The following CHUK variants were observed in gnomAD, a reference collection of about 807,000 sequenced individuals.
CHUK encodes the protein component of inhibitor of nuclear factor kappa B kinase complex.
A neutral mutation model predicts 104.8 loss-of-function variants in CHUK; 35 were observed. The ratio of observed to expected loss-of-function variants is 0.33; its 90% CI spans 0.26 to 0.44. The LOEUF is 0.44. CHUK is among the 20% of genes least tolerant of loss of function. The probability of loss-of-function intolerance (pLI) is 1.00; values close to 1 mark genes in which losing one functional copy is unlikely to be tolerated. For synonymous variants in CHUK, 276 were observed against 291.9 expected, an observed-to-expected ratio of 0.95 and a Z score of 0.56; for missense variants, 663 against 902.7, an observed-to-expected ratio of 0.73 and a Z score of 3.40.
chr10:100,187,516 C>T (rs1845073250), downstream of CHUK: 1 of 152,178 alleles, frequency 6.6e-6, no homozygotes, highest in Non-Finnish European at 1.5e-5. Context: ...AAATAACTTG[C>T]TCCATACCCT....
At chr10:100,225,055 G>T (rs1300652994) in intron 2 of CHUK, among the ~76,000 whole-genome samples, 4 of 152,094 alleles carry the variant, frequency 2.6e-5, no homozygotes, top group African/African-American at 7.2e-5. Flanking sequence ...TTGCCATGTT[G>T]CCCAGGCTGG....
intron 16 of CHUK, among the ~76,000 whole-genome samples, chr10:100,199,761 T>C (rs899846649): frequency 6.6e-6 from 1 of 152,216 alleles, no homozygotes; most frequent in Non-Finnish European, 1.5e-5. Context: ...TTTTTCTACC[T>C]CACGTTCTCT....
chr10:100,193,452 A>G lies in CHUK; in HGVS notation c.1975-21T>C, dbSNP rs200144690. ...TGTGTCTGAAGGAAAAGAAAAAAAC[A>G]TCAAAAGATTACAGGCAAGCATCTC... On this transcript the variant is annotated intron_variant, in intron 18 of 20. Coordinates refer to ENST00000370397, the MANE Select transcript of CHUK (RefSeq NM_001278.5). 37 of 1,613,894 alleles carry G rather than the reference A, an allele frequency of 2.3e-5. No individual in the cohort carries two copies. The African/African-American group carries it at 4.4e-4, about 19-fold the overall frequency.
intron 10 of CHUK, among the ~76,000 whole-genome samples, chr10:100,209,014 T>C (rs1265059614): frequency 6.6e-6 from 1 of 152,162 alleles, no homozygotes; most frequent in African/African-American, 2.4e-5. Flanking sequence ...ACCTCTGTGA[T>C]TTAATAGGAG....
rs555153039 is a variant in CHUK, at chr10:100,209,218, T to C, written c.1128+377A>G. Among the ~76,000 whole-genome samples, 3 of 152,322 alleles carry C rather than the reference T, an allele frequency of 2.0e-5. No individual in the cohort carries two copies. In the South Asian group the frequency reaches 6.2e-4, roughly 32 times the overall value. On this transcript the variant is annotated intron_variant, in intron 10 of 20. Coordinates refer to ENST00000370397, the MANE Select transcript of CHUK (RefSeq NM_001278.5). ...AGATAAATAAACTACGGAAAAACTT[T>C]GTAATTTTGAGTTGGTCTGGCGGTA...
intron 16 of CHUK, among the ~76,000 whole-genome samples, chr10:100,198,675 CTG>C (rs1216236651): frequency 1.3e-5 from 2 of 152,122 alleles, no homozygotes; most frequent in Non-Finnish European, 2.9e-5. Context: ...TCAGACTAAA[CTG>C]AATACATTTC....
chr10:100,194,075 G>A lies in CHUK; in HGVS notation c.1883C>T (p.Ala628Val), dbSNP rs1423463231. The change falls in exon 18 of 21, where the codon GCC (alanine) becomes GTC (valine). Residue 628 changes from alanine (A) to valine (V), a missense_variant. Ala to Val is a moderately conservative substitution (Grantham distance 64, BLOSUM62 0). Coordinates refer to ENST00000370397, the MANE Select transcript of CHUK (RefSeq NM_001278.5). The part of the protein sequence containing the change: ...IIDLLPKVEV[A>V]LSNIKEADNT... ...GTCAGCTTCTTTGATATTACTGAGGGCCACTTCCACCTTAGGGAGTAGATC... is the reference window on the plus strand; with the variant it reads ...GTCAGCTTCTTTGATATTACTGAGGACCACTTCCACCTTAGGGAGTAGATC... The A allele has an allele frequency of 1.2e-6, 2 of 1,613,160 alleles. No homozygotes were observed. The highest frequency in any genetic ancestry group is 1.1e-5 in the South Asian group (1 of 91,066).
At chr10:100,218,849 G>T (rs952465157) in intron 7 of CHUK, 24 bp from the exon 8 acceptor site, 3 of 1,570,326 alleles carry the variant, frequency 1.9e-6, no homozygotes, top group Admixed American at 3.3e-5. Flanking sequence ...AGCTACCTCA[G>T]TTGACAAAGT....
chr10:100,218,992 C>T lies in CHUK; in HGVS notation c.689+16G>A. 1 of 1,613,930 alleles carries T rather than the reference C, an allele frequency of 6.2e-7. No individual in the cohort carries two copies. The highest frequency in any genetic ancestry group is 8.5e-7 in the Non-Finnish European group (1 of 1,179,878). ...CATTCCCATTAAGCATGCCCAAGTTCTCATCCATTTCTTACCAGGTAAATG... is the reference window on the plus strand; with the variant it reads ...CATTCCCATTAAGCATGCCCAAGTTTTCATCCATTTCTTACCAGGTAAATG... On this transcript the variant is annotated intron_variant, in intron 7 of 20. Transcript: ENST00000370397.
Position 100,218,197 on chromosome 10 carries a change from A to C in CHUK, c.798-67T>G, listed in dbSNP as rs1483694369. ...TTCCAATTTCCCTTTATACTGTTAG[A>C]AAGGTAATTTTGCAGGTTGTCCATT... On this transcript the variant is annotated intron_variant, in intron 8 of 20. Coordinates refer to ENST00000370397, the MANE Select transcript of CHUK (RefSeq NM_001278.5). 12 of 1,415,816 alleles carry C rather than the reference A, an allele frequency of 8.5e-6. No homozygotes were observed. In the African/African-American group the frequency reaches 1.4e-4, roughly 17 times the overall value. 87.7% of individuals were successfully genotyped at this position (1,415,816 alleles called of 1,614,324 possible). A position where few individuals can be genotyped will look rare whatever the true frequency, so the allele number is the denominator to read the frequency against.
intron 9 of CHUK, among the ~76,000 whole-genome samples, chr10:100,212,731 G>A (rs765956046): frequency 2.0e-5 from 3 of 152,080 alleles, no homozygotes; most frequent in South Asian, 2.1e-4. Context: ...GAGGCTGGGC[G>A]TGGTGGCTCA....
In CHUK at chr10:100,191,664, A is replaced by C. The variant is rs146014926; in HGVS notation, c.2109-696T>G. On this transcript the variant is annotated intron_variant, in intron 19 of 20. Coordinates refer to ENST00000370397, the MANE Select transcript of CHUK (RefSeq NM_001278.5). ...CCCTTTGCCAATCTTCAGTCCCCTA[A>C]CAAGAGTCCGTTTTAGGTCATGGAT... Among the ~76,000 whole-genome samples, 434 of 152,292 alleles carry C rather than the reference A, an allele frequency of 2.8e-3. 3 individuals are homozygous for C. The highest frequency in any genetic ancestry group is 9.2e-3 in the African/African-American group (384 of 41,558).
intron 16 of CHUK, among the ~76,000 whole-genome samples, chr10:100,199,056 C>T (rs1845402423): frequency 6.6e-6 from 1 of 152,174 alleles, no homozygotes; most frequent in South Asian, 2.1e-4. Context: ...ATGGGAAACG[C>T]AGATTTGCCT....
At chr10:100,208,322 G>A (rs1845638071) in intron 10 of CHUK, among the ~76,000 whole-genome samples, 1 of 152,112 alleles carries the variant, frequency 6.6e-6, no homozygotes, top group African/African-American at 2.4e-5. Context: ...GCTCAGGCAG[G>A]TCTCGAACTC....
chr10:100,219,470 C>T, intron 5 of CHUK, 111 bp from the exon 6 acceptor site: 1 of 688,700 alleles, frequency 1.5e-6, no homozygotes, highest in South Asian at 1.6e-5. Flanking sequence ...ACCTTGGGCT[C>T]TGTAATAACA....
intron 9 of CHUK, among the ~76,000 whole-genome samples, chr10:100,216,015 G>A (rs1350343450): frequency 6.6e-6 from 1 of 152,150 alleles, no homozygotes; most frequent in African/African-American, 2.4e-5. Context: ...TTGATGCTTT[G>A]AGGAAGATAT....
intron 2 of CHUK, among the ~76,000 whole-genome samples, chr10:100,225,116 T>C (rs1266873974): frequency 1.3e-5 from 2 of 152,214 alleles, no homozygotes; most frequent in African/African-American, 2.4e-5. Context: ...TCTCAAAGTG[T>C]TGGAATTACA....
chr10:100,207,349 CAG>C lies in CHUK; in HGVS notation c.1129-19_1129-18del, dbSNP rs755891284. 4 of 1,152,962 alleles carry C rather than the reference CAG, an allele frequency of 3.5e-6. No homozygotes were observed. The highest frequency in any genetic ancestry group is 5.3e-6 in the Non-Finnish European group (4 of 761,588). The allele number at this position is 1,152,962 out of a possible 1,614,324, so 71.4% of individuals were successfully genotyped here. On this transcript the variant is annotated intron_variant, in intron 10 of 20. Coordinates refer to ENST00000370397, the MANE Select transcript of CHUK (RefSeq NM_001278.5). ...ACAGCCTCTCTGAAAAAGAAACAAA[CAG>C]TTAAAATCCTGTTCAAGGATCTTTG...
chr10:100,200,967 G>T (rs1845447927), intron 14 of CHUK, among the ~76,000 whole-genome samples, 187 bp from the exon 15 acceptor site: 1 of 152,112 alleles, frequency 6.6e-6, no homozygotes, highest in East Asian at 1.9e-4. Context: ...TTTCACATAA[G>T]AACATACTTA....
Sources: allele counts gnomAD v4.1 joint callset (sites outside exome capture counted in the v4.1 genomes callset), GRCh38; gene constraint gnomAD v4.1.1; transcripts MANE v1.5; gene names NCBI Gene and HGNC (gene_info 2026-07-23, HGNC 2026-07-21).